Variants in PSG11 observed in about 807,000 individuals in gnomAD.
PSG11 encodes pregnancy specific beta-1-glycoprotein 11, also known as pregnancy-specific beta-1-glycoprotein 11.
A neutral mutation model predicts 36.0 loss-of-function variants in PSG11; 42 were observed. The observed-to-expected ratio is 1.17, with a 90% CI of 0.91 to 1.51. The LOEUF (loss-of-function observed/expected upper bound fraction) is 1.51. Ranked by LOEUF, PSG11 falls within the 40% of genes most tolerant of loss-of-function variation. The pLI, the probability that PSG11 is intolerant of heterozygous loss-of-function variation, is 0.00. For missense variants in PSG11, 558 were observed against 403.5 expected (o/e 1.38, Z -3.28); for synonymous variants, 206 against 153.5 (o/e 1.34, Z -2.53).
intron 1 of PSG11, 46 bp downstream of exon 1, chr19:43,026,263 A>G (rs1967252793): frequency 1.2e-6 from 2 of 1,606,156 alleles, no homozygotes; most frequent in East Asian, 4.5e-5. Flanking sequence ...CCATCCAGTC[A>G]CTCTGCTTCC....
chr19:43,009,647 A>G (rs1250040001), intron 5 of PSG11, among the ~76,000 whole-genome samples: 2 of 151,542 alleles, frequency 1.3e-5, no homozygotes, highest in East Asian at 3.9e-4. Flanking sequence ...CTTTATGGGA[A>G]TGGAGAGAAT....
rs1341600302 is a variant in PSG11 at position 43,016,374 on chromosome 19, G to T, written c.710-1004C>A. ...TCAGTTGACTGGCTGGCTCACCTTG[G>T]GTTCCTTACCTGGAATGTGCAACTG... On this transcript the variant is annotated intron_variant, in intron 3 of 5. Transcript: ENST00000320078. 1.3e-5 allele frequency among the ~76,000 whole-genome samples: 2 copies of T among 151,122 alleles called. 1 individual carries two copies. Among genetic ancestry groups the T allele is most frequent in the African/African-American group, 4.9e-5 (2 of 40,896 alleles).
At chr19:43,020,738 A>G (rs201880105) in intron 2 of PSG11, among the ~76,000 whole-genome samples, 6,577 of 151,000 alleles carry the variant, frequency 0.044, 683 homozygotes, top group African/African-American at 0.15. Flanking sequence ...TGGTCAGTGC[A>G]TCAATTACAT....
chr19:43,009,458 T>A (rs181765380), intron 5 of PSG11, among the ~76,000 whole-genome samples: 1 of 151,212 alleles, frequency 6.6e-6, no homozygotes, highest in African/African-American at 2.4e-5. Context: ...GTAAAGGAAG[T>A]GAGAAGGCTT....
Position 43,015,162 on chromosome 19 carries a change from TGA to T in PSG11, c.916_917del (p.Ala307HisfsTer26). 6.2e-7 allele frequency: 1 copy of T among 1,611,910 alleles called. No individual in the cohort carries two copies. The highest frequency in any genetic ancestry group is 8.5e-7 in the Non-Finnish European group (1 of 1,178,884). Reference sequence around the variant, plus strand: ...ATGTGGAGCTTTCCTCGCCAGTGGCTGAGTTACGAGCAGAGCAAGCATAGAGC... The same window carrying T: ...ATGTGGAGCTTTCCTCGCCAGTGGCTGTTACGAGCAGAGCAAGCATAGAGC... ...NGLYACSARN[S>X]ATGEESSTSL... On this transcript the variant is annotated frameshift_variant, in exon 4 of 6. Transcript: ENST00000320078. LOFTEE classifies it high-confidence loss of function.
Position 43,024,988 on chromosome 19 carries a change from C to G in PSG11, c.133G>C (p.Val45Leu). Residue 45 changes from valine (V) to leucine (L), a missense_variant, in exon 2 of 6, where the codon GTG (valine) becomes CTG (leucine). Val to Leu is a conservative substitution (Grantham distance 32). Transcript: ENST00000320078. ...QVMIEAQPPK[V>L]SEGKDVLLLV... ...AGAAGAACATCCTTCCCCTCGGACACTTTGGGTGGCTGGGCTTCAATCATG... is the reference window on the plus strand; with the variant it reads ...AGAAGAACATCCTTCCCCTCGGACAGTTTGGGTGGCTGGGCTTCAATCATG... 1 of 1,611,252 alleles carries G rather than the reference C, an allele frequency of 6.2e-7. No homozygotes were observed. Among genetic ancestry groups the G allele is most frequent in the Non-Finnish European group, 8.5e-7 (1 of 1,178,582 alleles).
Position 43,018,929 on chromosome 19 carries a change from C to G in PSG11, c.550G>C (p.Gly184Arg). ...CTATGAGTCATAGGGAGGCTCTGAC[C>G]ATTCATCCACCACAGGTAGCTTGCG... ...PDASYLWWMN[G>R]QSLPMTHRMQ... Residue 184 changes from glycine to arginine, a missense_variant, in exon 3 of 6, where the codon GGT (glycine) becomes CGT (arginine). Coordinates refer to ENST00000320078, the MANE Select transcript of PSG11 (RefSeq NM_002785.3). 2.5e-6 allele frequency: 4 copies of G among 1,612,012 alleles called. No homozygotes were observed. The highest frequency in any genetic ancestry group is 3.4e-6 in the Non-Finnish European group (4 of 1,179,100).
At chr19:43,020,187 G>C (rs1213654454) in intron 2 of PSG11, among the ~76,000 whole-genome samples, 1 of 151,434 alleles carries the variant, frequency 6.6e-6, no homozygotes, top group African/African-American at 2.4e-5. Context: ...CATGCCTATA[G>C]TTCATACAGA....
intron 3 of PSG11, among the ~76,000 whole-genome samples, chr19:43,016,798 T>C (rs1045813951): frequency 1.3e-5 from 2 of 151,488 alleles, no homozygotes; most frequent in African/African-American, 2.4e-5. Flanking sequence ...TAAGTTTCCT[T>C]TCCTTCTGCA....
chr19:43,022,214 A>C (rs1376824151), intron 2 of PSG11, among the ~76,000 whole-genome samples: 1 of 151,506 alleles, frequency 6.6e-6, no homozygotes, highest in Non-Finnish European at 1.5e-5. Context: ...AGGGTTTACA[A>C]AATTTGTAAC....
intron 4 of PSG11, among the ~76,000 whole-genome samples, chr19:43,012,652 G>T (rs7258110): frequency 0.75 from 113,926 of 151,116 alleles, 44,207 homozygotes; most frequent in East Asian, 0.99. Context: ...ATCAATAAAT[G>T]GAAAGACATT....
In PSG11 at chr19:43,018,789, T is replaced by G. The variant is rs1245684641; in HGVS notation, c.690A>C (p.Pro230=). ...ACTCACGGAGGAGATTCAGGGTGACTGGGTCACTGCGGCTGGCACTCCCTG... is the reference window on the plus strand; with the variant it reads ...ACTCACGGAGGAGATTCAGGGTGACGGGGTCACTGCGGCTGGCACTCCCTG... The part of the protein sequence containing the change: ...WNSGSASRSD[P]VTLNLLHGPD... The change falls in exon 3 of 6, where the codon CCA becomes CCC. Residue 230 remains proline, a synonymous_variant. Coordinates refer to ENST00000320078, the MANE Select transcript of PSG11 (RefSeq NM_002785.3). 1.2e-6 allele frequency: 2 copies of G among 1,612,138 alleles called. No homozygotes were observed. The highest frequency in any genetic ancestry group is 2.2e-5 in the South Asian group (2 of 90,844).
chr19:43,012,743 T>TA (rs1441951240), intron 4 of PSG11, among the ~76,000 whole-genome samples: 8 of 151,444 alleles, frequency 5.3e-5, no homozygotes, highest in Non-Finnish European at 1.5e-5. Context: ...ATGCAATTCC[T>TA]TCAGAATCTC....
chr19:43,009,961 C>T lies in PSG11; in HGVS notation c.*37G>A. The T allele has an allele frequency of 6.3e-7, 1 of 1,581,724 alleles. No individual in the cohort carries two copies. Among genetic ancestry groups the T allele is most frequent in the Non-Finnish European group, 8.7e-7 (1 of 1,152,010 alleles). ...ATAAGAGAAAAGGTCATCATACCTGCCAGTCTTCCTGAAATACAAAAATGA... is the reference window on the plus strand; with the variant it reads ...ATAAGAGAAAAGGTCATCATACCTGTCAGTCTTCCTGAAATACAAAAATGA... On this transcript the variant is annotated 3_prime_UTR_variant, in exon 5 of 6. Coordinates refer to ENST00000320078, the MANE Select transcript of PSG11 (RefSeq NM_002785.3).
intron 2 of PSG11, among the ~76,000 whole-genome samples, chr19:43,021,855 C>A (rs565988833): frequency 6.6e-6 from 1 of 151,456 alleles, no homozygotes; most frequent in Non-Finnish European, 1.5e-5. Context: ...GCTTTGGAGA[C>A]TGCAGGCCTG....
rs777467951 is a variant in PSG11, at chr19:43,015,772, A to G, written c.710-402T>C. ...CACAGAGGAACAAAAGATACAGAGG[A>G]CATTCAGGGTGACTGAGTCACTGCG... On this transcript the variant is annotated intron_variant, in intron 3 of 5. Coordinates refer to ENST00000320078, the MANE Select transcript of PSG11 (RefSeq NM_002785.3). The G allele has an allele frequency of 2.4e-5, 38 of 1,609,872 alleles. No homozygotes were observed. The African/African-American group carries it at 5.0e-4, about 21-fold the overall frequency.
At chr19:43,009,378 G>A (rs958430972) in intron 5 of PSG11, among the ~76,000 whole-genome samples, 1 of 151,322 alleles carries the variant, frequency 6.6e-6, no homozygotes, top group African/African-American at 2.4e-5. Context: ...ATGTCTATAT[G>A]GGTGAAGGGG....
chr19:43,024,504 G>C, intron 2 of PSG11, 187 bp downstream of exon 2: 1 of 1,127,268 alleles, frequency 8.9e-7, no homozygotes, highest in Non-Finnish European at 1.3e-6. Flanking sequence ...GTCTGGATGC[G>C]GGAAAGGAAT....
Position 43,015,236 on chromosome 19 carries a change from A to C in PSG11, c.844T>G (p.Ser282Ala), listed in dbSNP as rs1475234857. The C allele has an allele frequency of 1.9e-6, 3 of 1,611,510 alleles. No homozygotes were observed. Among genetic ancestry groups the C allele is most frequent in the Non-Finnish European group, 2.5e-6 (3 of 1,178,632 alleles). ...SWTINGKFQL[S>A]GQKLFIPQIT... ...TGAGGGATAAAGAGCTTTTGTCCTG[A>C]TAGCTGAAACTTCCCATTAATTGTC... Residue 282 changes from serine (S) to alanine (A), a missense_variant, in exon 4 of 6, where the codon TCA (serine) becomes GCA (alanine). Transcript: ENST00000320078.
Sources: gnomAD v4.1 joint callset for allele counts (sites outside exome capture counted in the v4.1 genomes callset) on GRCh38, gnomAD v4.1.1 for gene constraint, MANE v1.5 for transcripts, NCBI Gene and HGNC (gene_info 2026-07-23, HGNC 2026-07-21) for gene names.